Variants in OSBPL10 observed in about 807,000 individuals in gnomAD.
The protein encoded by OSBPL10 is oxysterol-binding protein-related protein 10.
A neutral mutation model predicts 81.7 loss-of-function variants in OSBPL10; 49 were observed. The ratio of observed to expected loss-of-function variants is 0.60; its 90% CI spans 0.48 to 0.76. The LOEUF (loss-of-function observed/expected upper bound fraction) is 0.76, where lower values mean the gene tolerates loss of function less well. Ranked by LOEUF, OSBPL10 falls within the 30% of genes least tolerant of loss-of-function variation. The pLI is 0.00. For synonymous variants in OSBPL10, 419 were observed against 383.6 expected (o/e 1.09, Z -1.08); for missense variants, 923 against 987.8 (o/e 0.93, Z 0.88).
intron 2 of OSBPL10, among the ~76,000 whole-genome samples, chr3:31,995,848 A>G (rs1255460768): frequency 1.3e-5 from 2 of 152,174 alleles, no homozygotes; most frequent in East Asian, 3.9e-4. Context: ...CTATCCAGAG[A>G]TGAAGTGACA....
At chr3:31,745,881 T>C (rs1179341103) in intron 5 of OSBPL10, among the ~76,000 whole-genome samples, 2 of 152,146 alleles carry the variant, frequency 1.3e-5, no homozygotes, top group African/African-American at 4.8e-5. Context: ...CATGCTTCAG[T>C]GAAACAAAGG....
At chr3:31,780,194 G>A (rs1243240258) in intron 4 of OSBPL10, among the ~76,000 whole-genome samples, 1 of 152,158 alleles carries the variant, frequency 6.6e-6, no homozygotes, top group Admixed American at 6.5e-5. Flanking sequence ...TCAGGAGGCT[G>A]AGGCAGGAGA....
At chr3:31,989,332 G>GAC in intron 2 of OSBPL10, 1 of 1,614,212 alleles carries the variant, frequency 6.2e-7, no homozygotes, top group East Asian at 2.2e-5. Flanking sequence ...TACAGAAGTG[G>GAC]ACACAGGGAC....
intron 4 of OSBPL10, among the ~76,000 whole-genome samples, chr3:31,749,750 G>C (rs1263573813): frequency 1.3e-5 from 2 of 151,202 alleles, no homozygotes; most frequent in South Asian, 2.1e-4. Context: ...AGGAGGCAGA[G>C]GTTGCAGTGA....
intron 6 of OSBPL10, among the ~76,000 whole-genome samples, chr3:31,713,639 C>T (rs971730921): frequency 3.9e-5 from 6 of 152,022 alleles, no homozygotes; most frequent in East Asian, 1.9e-4. Flanking sequence ...TCAAGTGATC[C>T]GCCCACCTCA....
At chr3:31,966,941 G>A (rs556055128) in intron 1 of OSBPL10, among the ~76,000 whole-genome samples, 194 of 151,348 alleles carry the variant, frequency 1.3e-3, no homozygotes, top group Non-Finnish European at 2.2e-3. Flanking sequence ...AATACCAAGC[G>A]CTGACAAGGA....
intron 1 of OSBPL10, among the ~76,000 whole-genome samples, chr3:31,945,765 T>G (rs1309131219): frequency 6.6e-6 from 1 of 152,188 alleles, no homozygotes. Context: ...GACACCCTTG[T>G]TTCTGTGACA....
chr3:31,963,443 T>G (rs1432433243), intron 1 of OSBPL10, among the ~76,000 whole-genome samples: 2 of 152,208 alleles, frequency 1.3e-5, no homozygotes, highest in Non-Finnish European at 2.9e-5. Context: ...TTAAATACTA[T>G]TACTTAATAC....
intron 3 of OSBPL10, among the ~76,000 whole-genome samples, chr3:31,835,211 T>TA (rs897644466): frequency 6.6e-6 from 1 of 152,178 alleles, no homozygotes; most frequent in Non-Finnish European, 1.5e-5. Flanking sequence ...AAAATGCTCT[T>TA]AAAATATGAT....
chr3:31,994,861 A>C (rs1208310026), intron 2 of OSBPL10, among the ~76,000 whole-genome samples: 1 of 152,254 alleles, frequency 6.6e-6, no homozygotes, highest in East Asian at 1.9e-4. Flanking sequence ...ATTTTCCCTA[A>C]GTGTCGGCTG....
intron 1 of OSBPL10, among the ~76,000 whole-genome samples, chr3:32,076,400 T>C (rs1434885929): frequency 5.3e-5 from 8 of 151,052 alleles, no homozygotes; most frequent in Middle Eastern, 3.5e-3. Context: ...CACCCTTTGC[T>C]GACTCTCTTT....
intron 3 of OSBPL10, among the ~76,000 whole-genome samples, chr3:31,838,373 T>C (rs1700410569): frequency 6.6e-6 from 1 of 151,606 alleles, no homozygotes; most frequent in South Asian, 2.1e-4. Flanking sequence ...TAGCCGGGCG[T>C]GGTGGCGGCA....
intron 1 of OSBPL10, among the ~76,000 whole-genome samples, chr3:31,940,277 G>A (rs904128770): frequency 6.6e-6 from 1 of 152,232 alleles, no homozygotes; most frequent in Admixed American, 6.5e-5. Flanking sequence ...CAACAATGTG[G>A]CTGAGCTCCA....
chr3:31,740,252 C>T (rs1347619888), intron 5 of OSBPL10, among the ~76,000 whole-genome samples: 1 of 152,092 alleles, frequency 6.6e-6, no homozygotes, highest in Admixed American at 6.6e-5. Flanking sequence ...CCATATTGGC[C>T]AGGCTGGTCT....
chr3:31,851,062 C>CA (rs1374899536), intron 3 of OSBPL10, among the ~76,000 whole-genome samples: 1 of 151,784 alleles, frequency 6.6e-6, no homozygotes, highest in African/African-American at 2.4e-5. Flanking sequence ...ATTTAAGTTG[C>CA]AAAAAAAATT....
At chr3:32,034,517 G>A (rs570154191) in intron 2 of OSBPL10, among the ~76,000 whole-genome samples, 161 of 150,770 alleles carry the variant, frequency 1.1e-3, no homozygotes, top group African/African-American at 3.6e-3. Flanking sequence ...TCCTAGAAAA[G>A]TTGTCAATAA....
chr3:31,948,847 G>A (rs781488019), intron 1 of OSBPL10, among the ~76,000 whole-genome samples: 2 of 152,194 alleles, frequency 1.3e-5, no homozygotes, highest in Non-Finnish European at 2.9e-5. Context: ...ATCATGGCTG[G>A]AGCCCCCACC....
rs150043807 is a variant in OSBPL10 at position 32,068,349 on chromosome 3, C to T, written n.185+9047G>A. 7.0e-3 allele frequency among the ~76,000 whole-genome samples: 1,060 copies of T among 152,222 alleles called. 9 individuals are homozygous for T. Among genetic ancestry groups the T allele is most frequent in the African/African-American group, 0.024 (1,013 of 41,538 alleles). ...TCATTCACCCACATTCCCTTGGTGGCAAGTCAATTGCAGGGATGCCTGCTT... is the reference window on the plus strand; with the variant it reads ...TCATTCACCCACATTCCCTTGGTGGTAAGTCAATTGCAGGGATGCCTGCTT... On this transcript the variant is annotated intron_variant and non_coding_transcript_variant, in intron 1 of 3. Transcript: ENST00000479173.
At chr3:31,907,874 T>C (rs902374394) in intron 1 of OSBPL10, among the ~76,000 whole-genome samples, 2 of 151,876 alleles carry the variant, frequency 1.3e-5, no homozygotes, top group African/African-American at 2.4e-5. Flanking sequence ...GGGTGGGAAA[T>C]AAATTATAAA....
Sources: gnomAD v4.1 joint callset for allele counts (sites outside exome capture counted in the v4.1 genomes callset) on GRCh38, gnomAD v4.1.1 for gene constraint, MANE v1.5 for transcripts, NCBI Gene and HGNC (gene_info 2026-07-23, HGNC 2026-07-21) for gene names.